The following CDH23 variants were observed in gnomAD, a reference collection of about 807,000 sequenced individuals.
CDH23 encodes the protein cadherin related 23, also known as cadherin-23.
In CDH23, 189 loss-of-function variants were observed where a neutral mutation model predicts 317.1. That is an observed-to-expected ratio of 0.60 (90% CI 0.53 to 0.67). The LOEUF (loss-of-function observed/expected upper bound fraction) is 0.67, where lower values mean the gene tolerates loss of function less well. CDH23 is among the 30% of genes least tolerant of loss of function. The pLI, the probability that CDH23 is intolerant of heterozygous loss-of-function variation, is 0.00. For synonymous variants in CDH23, 1,839 were observed against 1,876.8 expected, an observed-to-expected ratio of 0.98 and a Z score of 0.52; for missense variants, 4,401 against 4,592.4, an observed-to-expected ratio of 0.96 and a Z score of 1.20.
chr10:71,485,029 T>C (rs893182751), intron 3 of CDH23, among the ~76,000 whole-genome samples: 2 of 148,472 alleles, frequency 1.3e-5, no homozygotes, highest in East Asian at 2.0e-4. Flanking sequence ...TTTTCTTTTT[T>C]TTTTTTTTTT....
intron 38 of CDH23, among the ~76,000 whole-genome samples, chr10:71,746,356 C>T (rs967905169): frequency 2.6e-5 from 4 of 152,240 alleles, no homozygotes; most frequent in Non-Finnish European, 4.4e-5. Flanking sequence ...CCCTCGTCCC[C>T]CCAGGTTCCT....
At position 71,457,808 on chromosome 10, in the gene CDH23, C is replaced by T. The variant is rs535344182; in HGVS notation, c.145+11413C>T. ...GAGTTAGCAAGAGTGCTGAAAATGA[C>T]TTTGGGGAAAATAGATGAAAGTATG... On this transcript the variant is annotated intron_variant, in intron 3 of 69. Coordinates refer to ENST00000224721, the MANE Select transcript of CDH23 (RefSeq NM_022124.6). Among the ~76,000 whole-genome samples the T allele has an allele frequency of 3.2e-4, 49 of 152,366 alleles. 2 individuals carry two copies. In the South Asian group the frequency reaches 0.01, roughly 32 times the overall value.
intron 14 of CDH23, among the ~76,000 whole-genome samples, chr10:71,649,485 G>A (rs952549038): frequency 2.0e-5 from 3 of 152,214 alleles, no homozygotes; most frequent in Non-Finnish European, 4.4e-5. Flanking sequence ...ATTTAACATG[G>A]CTTGGGGAAG....
intron 3 of CDH23, among the ~76,000 whole-genome samples, chr10:71,460,024 C>T (rs1054899032): frequency 5.9e-5 from 9 of 152,188 alleles, no homozygotes; most frequent in African/African-American, 1.9e-4. Flanking sequence ...ATCCTCACAA[C>T]GCCCCATGAA....
In CDH23 at chr10:71,682,407, T is replaced by G. The variant is rs779876668; in HGVS notation, c.1859-38T>G. 5 of 1,605,988 alleles carry G rather than the reference T, an allele frequency of 3.1e-6. No individual in the cohort carries two copies. The East Asian group carries it at 1.1e-4, about 36-fold the overall frequency. ...CCTGTCTGGACGGGCATCTCAAGTCTGCTTACAGAGGGATCTGGCCTGTTC... is the reference window on the plus strand; with the variant it reads ...CCTGTCTGGACGGGCATCTCAAGTCGGCTTACAGAGGGATCTGGCCTGTTC... On this transcript the variant is annotated intron_variant, in intron 17 of 69. Coordinates refer to ENST00000224721, the MANE Select transcript of CDH23 (RefSeq NM_022124.6).
intron 1 of CDH23, among the ~76,000 whole-genome samples, chr10:71,423,335 G>T (rs1035196866): frequency 6.6e-5 from 10 of 152,246 alleles, no homozygotes; most frequent in Non-Finnish European, 7.3e-5. Context: ...GAAGGAACTT[G>T]CTGTGGATTT....
In CDH23 at chr10:71,641,637, C is replaced by G. The variant is rs867423965; in HGVS notation, c.1135-2224C>G. Reference sequence around the variant, plus strand: ...AGGCCTCAACCCAGGCCTACAGAATCAGGAATTCCTGGGGGAGGGAGAAGA... The same window carrying G: ...AGGCCTCAACCCAGGCCTACAGAATGAGGAATTCCTGGGGGAGGGAGAAGA... On this transcript the variant is annotated intron_variant, in intron 11 of 69. Coordinates refer to ENST00000224721, the MANE Select transcript of CDH23 (RefSeq NM_022124.6). Among the ~76,000 whole-genome samples the G allele has an allele frequency of 3.9e-5, 6 of 152,344 alleles. No homozygotes were observed. In the South Asian group the frequency reaches 6.2e-4, roughly 16 times the overall value.
At chr10:71,585,729 T>C (rs1867999) in intron 9 of CDH23, among the ~76,000 whole-genome samples, 37,678 of 152,126 alleles carry the variant, frequency 0.25, 5,166 homozygotes, top group East Asian at 0.41. Flanking sequence ...CTGCAGGGTG[T>C]GCTTCCTGCC....
chr10:71,686,957 A>G (rs1589333149), intron 18 of CDH23, among the ~76,000 whole-genome samples: 1 of 152,114 alleles, frequency 6.6e-6, no homozygotes, highest in African/African-American at 2.4e-5. Context: ...TGCCCACCCT[A>G]CCCTGCCAGG....
chr10:71,511,195 A>C lies in CDH23; in HGVS notation c.412A>C (p.Ser138Arg), dbSNP rs904008201. The C allele has an allele frequency of 1.9e-6, 3 of 1,613,572 alleles. No homozygotes were observed. Reference sequence around the variant, plus strand: ...GCCCACATTTCACAATCAGCCCTACAGCGTCCGCATCCCTGAGGTAGGAGC... The same window carrying C: ...GCCCACATTTCACAATCAGCCCTACCGCGTCCGCATCCCTGAGGTAGGAGC... ...NAPTFHNQPY[S>R]VRIPENTPVG... Residue 138 changes from serine (S) to arginine (R), a missense_variant, in exon 6 of 70, where the codon AGC becomes CGC. Ser to Arg is a moderately radical substitution (Grantham distance 110). Coordinates refer to ENST00000224721, the MANE Select transcript of CDH23 (RefSeq NM_022124.6).
chr10:71,664,191 C>T (rs1863793235), intron 14 of CDH23, among the ~76,000 whole-genome samples: 2 of 152,172 alleles, frequency 1.3e-5, no homozygotes, highest in African/African-American at 4.8e-5. Context: ...CAGGCAGACA[C>T]CGGCCACCCT....
intron 38 of CDH23, among the ~76,000 whole-genome samples, chr10:71,776,145 C>T (rs974099581): frequency 3.9e-5 from 6 of 152,202 alleles, no homozygotes; most frequent in East Asian, 3.8e-4. Flanking sequence ...CCCAAGGCCA[C>T]GCAGCTCCTT....
chr10:71,712,971 C>T, intron 28 of CDH23, 158 bp downstream of exon 28: 1 of 880,372 alleles, frequency 1.1e-6, no homozygotes, highest in South Asian at 1.5e-5. Context: ...AAGGGGGACC[C>T]AGGCCCTCTC....
intron 6 of CDH23, among the ~76,000 whole-genome samples, chr10:71,533,525 CCACACACACACACA>C (rs55659529): frequency 2.3e-5 from 3 of 130,752 alleles, no homozygotes; most frequent in Non-Finnish European, 4.8e-5. Context: ...TGGCTGGACA[CCACACACACACACA>C]CACACACACA....
At chr10:71,424,993 C>A (rs995633418) in intron 1 of CDH23, among the ~76,000 whole-genome samples, 5 of 152,102 alleles carry the variant, frequency 3.3e-5, no homozygotes, top group Non-Finnish European at 7.3e-5. Flanking sequence ...TGGCATTTTG[C>A]AGACAAGGAC....
intron 57 of CDH23, among the ~76,000 whole-genome samples, chr10:71,806,731 C>G (rs1841738652): frequency 6.6e-6 from 1 of 152,170 alleles, no homozygotes. Flanking sequence ...CACCCGCCAC[C>G]ATGCCCAGCT....
chr10:71,408,160 G>T (rs1848197038), intron 1 of CDH23, among the ~76,000 whole-genome samples: 2 of 152,030 alleles, frequency 1.3e-5, no homozygotes. Flanking sequence ...AACTCTTTAT[G>T]CTCACTCTTA....
intron 14 of CDH23, among the ~76,000 whole-genome samples, chr10:71,654,723 C>G (rs987769169): frequency 2.6e-5 from 4 of 152,170 alleles, no homozygotes; most frequent in Non-Finnish European, 2.9e-5. Context: ...GTGGCCCAAG[C>G]ACCCACATGT....
At chr10:71,696,100 G>A (rs1393589547) in intron 22 of CDH23, among the ~76,000 whole-genome samples, 1 of 152,212 alleles carries the variant, frequency 6.6e-6, no homozygotes, top group Non-Finnish European at 1.5e-5. Flanking sequence ...GGTGCAGAGG[G>A]GAGACACGGT....
Sources: allele counts gnomAD v4.1 joint callset (sites outside exome capture counted in the v4.1 genomes callset), GRCh38; gene constraint gnomAD v4.1.1; transcripts MANE v1.5; gene names NCBI Gene and HGNC (gene_info 2026-07-23, HGNC 2026-07-21).